Variants in DLG2 observed in about 807,000 individuals in gnomAD.
The protein encoded by DLG2 is disks large homolog 2.
DLG2 carries 45 observed loss-of-function variants against 132.5 expected under a neutral mutation model. The observed-to-expected ratio is 0.34, with a 90% CI of 0.27 to 0.44. The LOEUF is 0.44. Among genes scored for constraint, DLG2 ranks in the 20% least tolerant of loss-of-function variants. The pLI is 1.00. For synonymous variants in DLG2, 424 were observed against 419.6 expected, an observed-to-expected ratio of 1.01 and a Z score of -0.13; for missense variants, 1,045 against 1,196.9, an observed-to-expected ratio of 0.87 and a Z score of 1.87.
intron 6 of DLG2, among the ~76,000 whole-genome samples, chr11:84,626,223 A>T (rs17735200): frequency 0.14 from 21,059 of 152,158 alleles, 1,624 homozygotes; most frequent in South Asian, 0.2. Flanking sequence ...TGGTTTCTAA[A>T]TTTACATTAG....
At chr11:84,858,866 T>TA (rs1238256447) in intron 6 of DLG2, among the ~76,000 whole-genome samples, 1 of 152,020 alleles carries the variant, frequency 6.6e-6, no homozygotes, top group Admixed American at 6.6e-5. Flanking sequence ...CTCTTTTTAA[T>TA]AAAAATATAC....
intron 6 of DLG2, among the ~76,000 whole-genome samples, chr11:84,857,712 T>C (rs1210807552): frequency 6.6e-6 from 1 of 152,092 alleles, no homozygotes. Flanking sequence ...ATTATACTCA[T>C]CTCAACATTG....
At position 84,485,270 on chromosome 11, in the gene DLG2, T is replaced by G. The variant is rs141215350; in HGVS notation, c.519+49300A>C. Among the ~76,000 whole-genome samples, 20 of 152,292 alleles carry G rather than the reference T, an allele frequency of 1.3e-4. No homozygotes were observed. The East Asian group carries it at 3.9e-3, about 29-fold the overall frequency. On this transcript the variant is annotated intron_variant, in intron 7 of 27. Transcript: ENST00000376104. ...ATACTTTGAATATATAATATTTCTA[T>G]TTTTGATTTTATTCATTAGCAATAA... is the stretch of plus-strand genomic sequence containing the variant.
At chr11:84,360,348 G>C (rs2098642566) in intron 7 of DLG2, among the ~76,000 whole-genome samples, 1 of 151,846 alleles carries the variant, frequency 6.6e-6, no homozygotes, top group African/African-American at 2.4e-5. Context: ...AATCAGATTT[G>C]AGGGCCAAAT....
At chr11:83,686,794 G>A (rs2079868756) in intron 18 of DLG2, among the ~76,000 whole-genome samples, 2 of 152,092 alleles carry the variant, frequency 1.3e-5, no homozygotes, top group South Asian at 4.1e-4. Flanking sequence ...GTATGACTTT[G>A]ATACAACAAT....
intron 6 of DLG2, among the ~76,000 whole-genome samples, chr11:84,560,618 A>G (rs777295260): frequency 3.3e-5 from 5 of 152,102 alleles, no homozygotes; most frequent in Non-Finnish European, 7.4e-5. Flanking sequence ...GTGGAAAGGT[A>G]AAATAAAACA....
chr11:84,597,309 A>G (rs2099563762), intron 6 of DLG2, among the ~76,000 whole-genome samples: 2 of 152,240 alleles, frequency 1.3e-5, no homozygotes, highest in African/African-American at 4.8e-5. Context: ...GTAAGCATTA[A>G]TTACAAGGAG....
rs924376851 is a variant in DLG2, at chr11:85,293,120, G to A, written c.41-7755C>T. 4.6e-5 allele frequency among the ~76,000 whole-genome samples: 7 copies of A among 152,112 alleles called. No individual in the cohort carries two copies. In the South Asian group the frequency reaches 6.2e-4, roughly 14 times the overall value. The stretch of plus-strand genomic sequence containing the variant: ...AAAGAATTAATGATTAAATGGGGGA[G>A]AAGGGAAAGTTCTTCCTTCCAGAAT... On this transcript the variant is annotated intron_variant, in intron 3 of 27. Coordinates refer to ENST00000376104, the MANE Select transcript of DLG2 (RefSeq NM_001142699.3).
intron 8 of DLG2, among the ~76,000 whole-genome samples, chr11:84,198,168 C>A (rs2096546870): frequency 7.3e-6 from 1 of 136,764 alleles, no homozygotes; most frequent in African/African-American, 3.6e-5. Context: ...ATACCATTAC[C>A]CCCATTTTAT....
At chr11:85,316,874 C>G (rs1432185993) in intron 3 of DLG2, among the ~76,000 whole-genome samples, 2 of 151,906 alleles carry the variant, frequency 1.3e-5, no homozygotes, top group Non-Finnish European at 2.9e-5. Flanking sequence ...CCCCACCATC[C>G]TAGAATCTAC....
intron 3 of DLG2, among the ~76,000 whole-genome samples, chr11:85,483,679 C>A (rs183750340): frequency 6.6e-6 from 1 of 151,966 alleles, no homozygotes; most frequent in Admixed American, 6.6e-5. Context: ...CGTGGTGGCT[C>A]ACACCTATAA....
At chr11:85,153,621 A>G (rs984587793) in intron 5 of DLG2, among the ~76,000 whole-genome samples, 2 of 152,218 alleles carry the variant, frequency 1.3e-5, no homozygotes, top group Non-Finnish European at 2.9e-5. Context: ...TTCAAAGGAA[A>G]TAATAGGAAT....
intron 6 of DLG2, among the ~76,000 whole-genome samples, chr11:84,885,677 T>C (rs1006023935): frequency 1.3e-5 from 2 of 152,084 alleles, no homozygotes; most frequent in Non-Finnish European, 2.9e-5. Flanking sequence ...ATAGGATAAA[T>C]GTGTGTAGCA....
intron 17 of DLG2, among the ~76,000 whole-genome samples, chr11:83,792,214 G>C (rs2041765108): frequency 1.3e-5 from 2 of 151,992 alleles, no homozygotes; most frequent in African/African-American, 4.8e-5. Context: ...TGTTTCTGAA[G>C]GATAAGTTCC....
intron 22 of DLG2, among the ~76,000 whole-genome samples, chr11:83,474,936 G>A (rs1353421982): frequency 6.6e-6 from 1 of 152,130 alleles, no homozygotes; most frequent in Non-Finnish European, 1.5e-5. Flanking sequence ...CAGACAACTA[G>A]GGCAAAGCAT....
intron 3 of DLG2, among the ~76,000 whole-genome samples, chr11:85,588,175 G>A (rs1489038036): frequency 6.6e-6 from 1 of 152,146 alleles, no homozygotes; most frequent in Non-Finnish European, 1.5e-5. Flanking sequence ...ACAACTATGT[G>A]ACTGGGTAAT....
chr11:83,543,916 A>G (rs1335968556), intron 19 of DLG2, among the ~76,000 whole-genome samples: 1 of 152,128 alleles, frequency 6.6e-6, no homozygotes, highest in Non-Finnish European at 1.5e-5. Flanking sequence ...ATTTTCTCAT[A>G]AGAATGGCTT....
chr11:85,410,674 A>C (rs983881439), intron 3 of DLG2, among the ~76,000 whole-genome samples: 10 of 151,856 alleles, frequency 6.6e-5, no homozygotes, highest in Admixed American at 6.6e-4. Flanking sequence ...ACTTTGCTAA[A>C]CGCTGAAAAT....
At chr11:84,341,213 T>C (rs2098512909) in intron 7 of DLG2, among the ~76,000 whole-genome samples, 1 of 152,170 alleles carries the variant, frequency 6.6e-6, no homozygotes, top group Admixed American at 6.5e-5. Context: ...AGTGTTGTTC[T>C]CTCTTAAGAT....
Sources: gnomAD v4.1 joint callset for allele counts (sites outside exome capture counted in the v4.1 genomes callset) on GRCh38, gnomAD v4.1.1 for gene constraint, MANE v1.5 for transcripts, NCBI Gene and HGNC (gene_info 2026-07-23, HGNC 2026-07-21) for gene names.